The following TAFA5 variants were observed in gnomAD, a reference collection of about 807,000 sequenced individuals.
TAFA5 encodes TAFA chemokine like family member 5.
In TAFA5, 6 loss-of-function variants were observed where a neutral mutation model predicts 15.3. The observed-to-expected ratio is 0.39, with a 90% CI of 0.21 to 0.77. TAFA5 has a LOEUF of 0.77. Ranked by LOEUF, TAFA5 falls within the 30% of genes least tolerant of loss-of-function variation. The probability of loss-of-function intolerance (pLI) is 0.41; values close to 1 mark genes in which losing one functional copy is unlikely to be tolerated. For missense variants in TAFA5, 161 were observed against 193.1 expected, an observed-to-expected ratio of 0.83 and a Z score of 0.98; for synonymous variants, 103 against 80.7, an observed-to-expected ratio of 1.28 and a Z score of -1.48.
At chr22:48,661,873 G>A (rs774231241) in intron 2 of TAFA5, among the ~76,000 whole-genome samples, 6 of 152,038 alleles carry the variant, frequency 3.9e-5, no homozygotes, top group Admixed American at 2.6e-4. Flanking sequence ...GTGACTGGGG[G>A]CTCATTGGGG....
rs1923420799 is a variant in TAFA5, at chr22:48,566,744, T to C, written c.112+77040T>C. Among the ~76,000 whole-genome samples the C allele has an allele frequency of 6.6e-6, 1 of 152,208 alleles. No individual in the cohort carries two copies. Among genetic ancestry groups the C allele is most frequent in the African/African-American group, 2.4e-5 (1 of 41,450 alleles). On this transcript the variant is annotated intron_variant, in intron 1 of 3. Transcript: ENST00000402357. This position sits in a 1 kb window ranked among gnomAD's most constrained non-coding sequence, Gnocchi z 4.5. ...AACGGGGTGAGGTGTGTAAAGGGTG[T>C]GGCCTGTAGAGAACCCAGCCCCTGA...
At chr22:48,509,932 C>CA (rs1426238284) in intron 1 of TAFA5, among the ~76,000 whole-genome samples, 2 of 130,934 alleles carry the variant, frequency 1.5e-5, no homozygotes. Context: ...GCCTGGGTGA[C>CA]AGAGTGAGAA....
intron 1 of TAFA5, among the ~76,000 whole-genome samples, chr22:48,595,440 C>T (rs746995135): frequency 7.2e-5 from 11 of 152,190 alleles, no homozygotes; most frequent in Non-Finnish European, 1.2e-4. Flanking sequence ...TGGAAGAGGT[C>T]GGGGAAGTGG....
At chr22:48,610,449 C>G (rs1191987497) in intron 1 of TAFA5, among the ~76,000 whole-genome samples, 1 of 152,252 alleles carries the variant, frequency 6.6e-6, no homozygotes, top group Admixed American at 6.5e-5. Flanking sequence ...GAGGAAGCGC[C>G]CTCAGGCACC....
intron 1 of TAFA5, among the ~76,000 whole-genome samples, chr22:48,521,099 G>A (rs186547966): frequency 7.2e-5 from 11 of 152,296 alleles, no homozygotes; most frequent in Admixed American, 5.2e-4. Context: ...GGCCGTAACC[G>A]TGCAGGATCC....
intron 3 of TAFA5, among the ~76,000 whole-genome samples, chr22:48,709,874 G>A (rs1448607832): frequency 6.6e-6 from 1 of 152,256 alleles, no homozygotes; most frequent in Non-Finnish European, 1.5e-5. Context: ...CAAAGGCATC[G>A]AGGTGCTTGT....
intron 1 of TAFA5, among the ~76,000 whole-genome samples, chr22:48,589,257 G>A (rs1223464262): frequency 1.3e-5 from 2 of 152,220 alleles, no homozygotes; most frequent in Non-Finnish European, 2.9e-5. Flanking sequence ...GCCAGGGGGT[G>A]ACTGGCTGGG....
chr22:48,590,850 C>CT lies in TAFA5; in HGVS notation c.113-55734dup, dbSNP rs111655826. On this transcript the variant is annotated intron_variant, in intron 1 of 3. Coordinates refer to ENST00000402357, the MANE Select transcript of TAFA5 (RefSeq NM_001082967.3). ...TTAGTCTTTTTGTTCATGATTTGTT[C>CT]TTTTTTTTTTTTTCTTTTTGAGATG... 6.8e-3 allele frequency among the ~76,000 whole-genome samples: 983 copies of CT among 145,192 alleles called. 9 individuals carry two copies. Among genetic ancestry groups the CT allele is most frequent in the South Asian group, 0.034 (156 of 4,594 alleles).
chr22:48,537,716 G>A lies in TAFA5; in HGVS notation c.112+48012G>A, dbSNP rs76960051. On this transcript the variant is annotated intron_variant, in intron 1 of 3. Coordinates refer to ENST00000402357, the MANE Select transcript of TAFA5 (RefSeq NM_001082967.3). ...TGCAGCTCTCCCTGGGGCCCTGGAG[G>A]CCCCTTTCTGCTCCCCTGTCAGAGC... Among the ~76,000 whole-genome samples the A allele has an allele frequency of 0.016, 2,492 of 152,260 alleles. 119 individuals carry two copies. The East Asian group carries it at 0.18, about 11-fold the overall frequency.
At chr22:48,620,601 A>ACCCCTCCTATCCACCCACCCACCATCC (rs1925767549) in intron 1 of TAFA5, among the ~76,000 whole-genome samples, 1 of 16,774 alleles carries the variant, frequency 6.0e-5, no homozygotes, top group Non-Finnish European at 1.1e-4. Flanking sequence ...CCACCCCCCT[A>ACCCCTCCTATCCACCCACCCACCATCC]CCCATCCTAT....
chr22:48,572,269 G>C (rs1254686385), intron 1 of TAFA5, among the ~76,000 whole-genome samples: 1 of 152,186 alleles, frequency 6.6e-6, no homozygotes, highest in Non-Finnish European at 1.5e-5. Context: ...GTAGTGACCG[G>C]TCAGTGTGAA....
In TAFA5 at chr22:48,515,328, G is replaced by T. The variant is rs573007959; in HGVS notation, c.112+25624G>T. Among the ~76,000 whole-genome samples the T allele has an allele frequency of 3.1e-4, 47 of 152,360 alleles. 2 individuals are homozygous for T. The South Asian group carries it at 9.5e-3, about 31-fold the overall frequency. ...CTGGAGCCCAGGGCTTGCGCAGGCAGCGTCCTCTCAGCAGTGGGCTTCTGC... is the reference window on the plus strand; with the variant it reads ...CTGGAGCCCAGGGCTTGCGCAGGCATCGTCCTCTCAGCAGTGGGCTTCTGC... On this transcript the variant is annotated intron_variant, in intron 1 of 3. Coordinates refer to ENST00000402357, the MANE Select transcript of TAFA5 (RefSeq NM_001082967.3).
chr22:48,749,874 G>A lies in TAFA5; in HGVS notation c.*27G>A, dbSNP rs758154872. On this transcript the variant is annotated 3_prime_UTR_variant, in exon 4 of 4. Transcript: ENST00000402357. ...AAACACAGCCCCTGAGGGGCCCCGG[G>A]AGTGGCCTTGGCTCCCTGGAGAGCC... The A allele has an allele frequency of 1.9e-6, 3 of 1,553,288 alleles. No individual in the cohort carries two copies. In the East Asian group the frequency reaches 7.3e-5, roughly 38 times the overall value.
intron 2 of TAFA5, among the ~76,000 whole-genome samples, chr22:48,686,714 TTGAA>T (rs1198875952): frequency 3.3e-5 from 5 of 151,706 alleles, no homozygotes; most frequent in Admixed American, 2.6e-4. Flanking sequence ...TGATGGATGC[TTGAA>T]TGGATGGATG....
chr22:48,525,145 C>T (rs140098197), intron 1 of TAFA5, among the ~76,000 whole-genome samples: 2 of 152,334 alleles, frequency 1.3e-5, no homozygotes, highest in African/African-American at 2.4e-5. Context: ...CATCCCAAGA[C>T]CCTTGACTTA....
intron 1 of TAFA5, among the ~76,000 whole-genome samples, chr22:48,594,589 A>G (rs1924693933): frequency 6.6e-6 from 1 of 152,200 alleles, no homozygotes; most frequent in Non-Finnish European, 1.5e-5. Flanking sequence ...GATGATCCCC[A>G]TAGGCTCATG....
intron 1 of TAFA5, among the ~76,000 whole-genome samples, chr22:48,570,446 C>T (rs936789243): frequency 1.3e-5 from 2 of 152,198 alleles, no homozygotes; most frequent in Admixed American, 6.5e-5. Context: ...ATTTCACCTC[C>T]TTCTTCCTGG....
chr22:48,520,330 C>A (rs1318034565), intron 1 of TAFA5, among the ~76,000 whole-genome samples: 2 of 152,254 alleles, frequency 1.3e-5, no homozygotes, highest in African/African-American at 4.8e-5. Flanking sequence ...CCAGTACTGA[C>A]CCCGGCCCAG....
At chr22:48,594,213 G>C (rs1034293041) in intron 1 of TAFA5, among the ~76,000 whole-genome samples, 12 of 152,312 alleles carry the variant, frequency 7.9e-5, no homozygotes, top group Admixed American at 6.5e-4. Context: ...CCGGCGTTGG[G>C]GTGCAGGCGA....
Sources: allele counts gnomAD v4.1 joint callset (sites outside exome capture counted in the v4.1 genomes callset), GRCh38; gene constraint gnomAD v4.1.1; non-coding constraint Gnocchi (gnomAD v3.1); transcripts MANE v1.5; gene names NCBI Gene and HGNC (gene_info 2026-07-23, HGNC 2026-07-21).